The following PCLO variants were observed in gnomAD, a reference collection of about 807,000 sequenced individuals.
PCLO encodes protein piccolo.
PCLO carries 82 observed loss-of-function variants against 427.5 expected under a neutral mutation model. The ratio of observed to expected loss-of-function variants is 0.19; its 90% CI spans 0.16 to 0.23. The LOEUF is 0.23. Among genes scored for constraint, PCLO ranks in the 10% least tolerant of loss-of-function variants. The pLI is 1.00. For synonymous variants in PCLO, 2,357 were observed against 2,155.4 expected, an observed-to-expected ratio of 1.09 and a Z score of -2.59; for missense variants, 6,239 against 6,115.9, an observed-to-expected ratio of 1.02 and a Z score of -0.67.
intron 3 of PCLO, among the ~76,000 whole-genome samples, chr7:83,006,959 T>C (rs1345334032): frequency 3.3e-5 from 5 of 151,598 alleles, no homozygotes; most frequent in Middle Eastern, 3.4e-3. Flanking sequence ...CATTATAGCA[T>C]GCTATATTTT....
intron 22 of PCLO, among the ~76,000 whole-genome samples, chr7:82,786,635 C>A (rs1284691882): frequency 6.6e-6 from 1 of 152,080 alleles, no homozygotes; most frequent in Non-Finnish European, 1.5e-5. Flanking sequence ...GGTACATGTG[C>A]AGAGCATGCA....
chr7:82,884,261 G>A (rs574427757), intron 9 of PCLO, among the ~76,000 whole-genome samples: 1 of 152,244 alleles, frequency 6.6e-6, no homozygotes, highest in East Asian at 1.9e-4. Context: ...TGCATGAGAT[G>A]AGTCCAAGAT....
intron 10 of PCLO, chr7:82,868,111 T>G: frequency 2.2e-6 from 1 of 456,422 alleles, no homozygotes; most frequent in East Asian, 7.0e-5. Context: ...CCGTACCTGG[T>G]AATCCCCCTG....
At chr7:83,057,308 T>TTATATATACA (rs1789405665) in intron 3 of PCLO, among the ~76,000 whole-genome samples, 1 of 85,622 alleles carries the variant, frequency 1.2e-5, no homozygotes, top group African/African-American at 5.0e-5. Flanking sequence ...AAAATAATCA[T>TTATATATACA]TATATATACA....
intron 10 of PCLO, among the ~76,000 whole-genome samples, chr7:82,864,114 T>G (rs745914296): frequency 2.6e-5 from 4 of 152,118 alleles, no homozygotes; most frequent in Non-Finnish European, 5.9e-5. Flanking sequence ...TTTTTTAATT[T>G]TTAAGTTATA....
chr7:82,827,773 T>C, intron 17 of PCLO, 100 bp downstream of exon 17: 1 of 623,714 alleles, frequency 1.6e-6, no homozygotes, highest in Non-Finnish European at 2.7e-6. Flanking sequence ...TTTTTTTGTT[T>C]GATTGGCAAA....
chr7:83,157,541 G>A (rs1286530310), intron 1 of PCLO, among the ~76,000 whole-genome samples: 1 of 151,690 alleles, frequency 6.6e-6, no homozygotes, highest in Non-Finnish European at 1.5e-5. Context: ...AACAGCCTTG[G>A]AAACATGATA....
intron 22 of PCLO, among the ~76,000 whole-genome samples, chr7:82,786,424 G>A (rs529564822): frequency 1.1e-4 from 17 of 152,052 alleles, no homozygotes; most frequent in Admixed American, 5.9e-4. Flanking sequence ...TGTTTAAATC[G>A]TTAACAAATT....
chr7:82,931,744 T>G (rs1794845377), intron 6 of PCLO, among the ~76,000 whole-genome samples: 1 of 152,108 alleles, frequency 6.6e-6, no homozygotes, highest in African/African-American at 2.4e-5. Context: ...GGAGCAATAG[T>G]CTTTTGTAAC....
intron 16 of PCLO, among the ~76,000 whole-genome samples, chr7:82,830,402 G>T (rs892780878): frequency 2.6e-5 from 4 of 151,884 alleles, no homozygotes; most frequent in Non-Finnish European, 5.9e-5. Flanking sequence ...ACAAAAAAGT[G>T]TCTACATAGA....
At chr7:82,908,826 C>G in intron 8 of PCLO, 51 bp downstream of exon 8, 23 of 1,499,746 alleles carry the variant, frequency 1.5e-5, no homozygotes, top group Non-Finnish European at 2.0e-5. Context: ...CTAGGGTAGA[C>G]TTGAGTCTTT....
At chr7:82,829,046 C>T (rs1180531277) in intron 16 of PCLO, among the ~76,000 whole-genome samples, 1 of 152,064 alleles carries the variant, frequency 6.6e-6, no homozygotes, top group Admixed American at 6.6e-5. Flanking sequence ...TTCCTGGTCT[C>T]AAGTATTGCC....
At chr7:83,045,326 C>T (rs1403843434) in intron 3 of PCLO, among the ~76,000 whole-genome samples, 1 of 152,116 alleles carries the variant, frequency 6.6e-6, no homozygotes, top group Admixed American at 6.6e-5. Flanking sequence ...CGTTTTTCCA[C>T]GAATGCACTT....
At position 82,756,519 on chromosome 7, in the gene PCLO, G is replaced by A. The variant is rs937606134; in HGVS notation, c.*2056C>T. ...TATCTTTCTCAGTTTGGGGAAGATC[G>A]AATTTGTATTCTGAAGTCATATATA... On this transcript the variant is annotated 3_prime_UTR_variant, in exon 25 of 25. Coordinates refer to ENST00000333891, the MANE Select transcript of PCLO (RefSeq NM_033026.6). 7.1e-6 allele frequency: 1 copy of A among 141,434 alleles called. No individual in the cohort carries two copies. 8.8% of individuals were successfully genotyped at this position (141,434 alleles called of 1,614,324 possible).
At chr7:83,024,861 G>C (rs1381038726) in intron 3 of PCLO, among the ~76,000 whole-genome samples, 3 of 151,960 alleles carry the variant, frequency 2.0e-5, no homozygotes, top group Non-Finnish European at 4.4e-5. Flanking sequence ...CACCTCACAC[G>C]GCAGGGTACT....
rs766858476 is a variant in PCLO at position 82,954,502 on chromosome 7, T to C, written c.6451A>G (p.Arg2151Gly). The C allele has an allele frequency of 1.7e-5, 28 of 1,613,892 alleles. No homozygotes were observed. Among genetic ancestry groups the C allele is most frequent in the South Asian group, 1.3e-4 (12 of 91,090 alleles). Residue 2151 changes from arginine (R) to glycine (G), a missense_variant, in exon 5 of 25, where the codon AGA (arginine) becomes GGA (glycine). Arg to Gly is a moderately radical substitution (Grantham distance 125, BLOSUM62 -2). Transcript: ENST00000333891. ...IEDEYVTDYT[R>G]EIQEIIAHES... The stretch of plus-strand genomic sequence containing the variant: ...TGGGCAATTATCTCTTGAATTTCTC[T>C]TGTATAATCGGTTACATATTCATCC...
rs1794405856 is a variant in PCLO at position 82,914,926 on chromosome 7, C to G, written c.13060G>C (p.Val4354Leu). The G allele has an allele frequency of 6.2e-7, 1 of 1,613,652 alleles. No homozygotes were observed. Among genetic ancestry groups the G allele is most frequent in the East Asian group, 2.2e-5 (1 of 44,820 alleles). Residue 4354 changes from valine (V) to leucine (L), a missense_variant, in exon 7 of 25, where the codon GTG (valine) becomes CTG (leucine). By Grantham distance (32) the Val-to-Leu change is conservative (BLOSUM62 1). Coordinates refer to ENST00000333891, the MANE Select transcript of PCLO (RefSeq NM_033026.6). ...CTTTCTTCTTCAGAATTCTGGGCCA[C>G]AATTGGTATTCTTCCTCTACTTTGA... ...ISQSRGRIPI[V>L]AQNSEEESPL... is the part of the protein sequence containing the mutation.
At chr7:82,961,294 T>C (rs999888242) in intron 4 of PCLO, among the ~76,000 whole-genome samples, 3 of 152,148 alleles carry the variant, frequency 2.0e-5, no homozygotes, top group African/African-American at 7.2e-5. Flanking sequence ...TCTGACACAG[T>C]TGATGTGAAG....
chr7:82,885,928 A>G (rs1039977632), intron 9 of PCLO, among the ~76,000 whole-genome samples: 4 of 152,170 alleles, frequency 2.6e-5, no homozygotes, highest in Non-Finnish European at 4.4e-5. Flanking sequence ...CTTGGCAGTG[A>G]GTCTCCTGTC....
Sources: gnomAD v4.1 joint callset for allele counts (sites outside exome capture counted in the v4.1 genomes callset) on GRCh38, gnomAD v4.1.1 for gene constraint, MANE v1.5 for transcripts, NCBI Gene and HGNC (gene_info 2026-07-23, HGNC 2026-07-21) for gene names.